The following GUCY1A2 variants were observed in gnomAD, a reference collection of about 807,000 sequenced individuals.
GUCY1A2 encodes the protein guanylate cyclase 1 soluble subunit alpha 2.
GUCY1A2 carries 27 observed loss-of-function variants against 63.5 expected under a neutral mutation model. That is an observed-to-expected ratio of 0.43 (90% CI 0.31 to 0.59). The LOEUF is 0.59. Ranked by LOEUF, GUCY1A2 falls within the 20% of genes least tolerant of loss-of-function variation. The pLI is 0.11. For synonymous variants in GUCY1A2, 364 were observed against 343.5 expected (o/e 1.06, Z -0.66); for missense variants, 768 against 913.3 (o/e 0.84, Z 2.05).
At chr11:106,968,877 G>A (rs767478586) in intron 3 of GUCY1A2, among the ~76,000 whole-genome samples, 2 of 49,884 alleles carry the variant, frequency 4.0e-5, no homozygotes, top group Non-Finnish European at 8.3e-5. Context: ...ACCAGGAATT[G>A]GAAGTTTGGT....
chr11:106,900,392 C>T (rs80234552), intron 4 of GUCY1A2, among the ~76,000 whole-genome samples: 2,992 of 152,236 alleles, frequency 0.02, 86 homozygotes, highest in African/African-American at 0.066. Flanking sequence ...CCACTTTGCC[C>T]ACGCTGGTCT....
chr11:106,892,738 T>C (rs1206529661), intron 4 of GUCY1A2, among the ~76,000 whole-genome samples: 2 of 152,182 alleles, frequency 1.3e-5, no homozygotes, highest in Non-Finnish European at 2.9e-5. Context: ...TTAAAAGTCA[T>C]TGTAAAAATA....
rs140147061 is a variant in GUCY1A2, at chr11:106,987,885, C to A, written c.304-1754G>T. 2.6e-5 allele frequency among the ~76,000 whole-genome samples: 4 copies of A among 152,226 alleles called. No homozygotes were observed. The East Asian group carries it at 7.8e-4, about 30-fold the overall frequency. ...ACTCTACATTACCACGTAGGAGAACCCTTTCACCACACAAATCTAAGGCCT... is the reference window on the plus strand; with the variant it reads ...ACTCTACATTACCACGTAGGAGAACACTTTCACCACACAAATCTAAGGCCT... On this transcript the variant is annotated intron_variant, in intron 1 of 7. Transcript: ENST00000526355.
intron 4 of GUCY1A2, among the ~76,000 whole-genome samples, chr11:106,915,374 G>GT (rs1860356959): frequency 6.6e-6 from 1 of 152,010 alleles, no homozygotes; most frequent in African/African-American, 2.4e-5. Flanking sequence ...CTGTTACAAG[G>GT]TATCTGTACT....
chr11:106,948,241 C>T (rs1860857375), intron 3 of GUCY1A2, among the ~76,000 whole-genome samples: 1 of 152,054 alleles, frequency 6.6e-6, no homozygotes, highest in Non-Finnish European at 1.5e-5. Flanking sequence ...AACTTTATGT[C>T]AAAAGCTGAT....
chr11:107,002,375 G>A (rs145653835), intron 1 of GUCY1A2, among the ~76,000 whole-genome samples: 126 of 143,700 alleles, frequency 8.8e-4, no homozygotes, highest in East Asian at 8.3e-3. Flanking sequence ...CAGACATGGA[G>A]AGAATAAGAA....
intron 3 of GUCY1A2, among the ~76,000 whole-genome samples, chr11:106,959,893 C>G (rs1861037751): frequency 6.6e-6 from 1 of 152,226 alleles, no homozygotes; most frequent in Non-Finnish European, 1.5e-5. Flanking sequence ...AAGGATCATT[C>G]TCAGGCCTTG....
At chr11:107,000,221 AGAG>A (rs1264386670) in intron 1 of GUCY1A2, among the ~76,000 whole-genome samples, 1 of 152,242 alleles carries the variant, frequency 6.6e-6, no homozygotes, top group African/African-American at 2.4e-5. Context: ...ACACAGAAAA[AGAG>A]AGAAAGACTT....
intron 4 of GUCY1A2, among the ~76,000 whole-genome samples, chr11:106,908,564 A>AG (rs1235416748): frequency 6.6e-6 from 1 of 151,984 alleles, no homozygotes; most frequent in East Asian, 1.9e-4. Flanking sequence ...AAAGAAAAAA[A>AG]GGACTTTGCA....
intron 4 of GUCY1A2, among the ~76,000 whole-genome samples, chr11:106,835,946 A>AAT (rs1859111626): frequency 6.6e-6 from 1 of 152,012 alleles, no homozygotes; most frequent in African/African-American, 2.4e-5. Flanking sequence ...AATGTAGGTA[A>AAT]ATCTAAGCAA....
chr11:106,884,122 G>T (rs1859864765), intron 4 of GUCY1A2, among the ~76,000 whole-genome samples: 1 of 152,024 alleles, frequency 6.6e-6, no homozygotes, highest in Non-Finnish European at 1.5e-5. Context: ...CATGGCACAT[G>T]TATACGTATG....
intron 4 of GUCY1A2, among the ~76,000 whole-genome samples, chr11:106,857,439 G>A (rs1403484882): frequency 2.0e-5 from 3 of 152,054 alleles, no homozygotes; most frequent in Admixed American, 2.0e-4. Context: ...TGGATTTTGG[G>A]GGAACATAAA....
At chr11:106,842,025 T>G (rs147464137) in intron 4 of GUCY1A2, among the ~76,000 whole-genome samples, 1 of 151,860 alleles carries the variant, frequency 6.6e-6, no homozygotes, top group African/African-American at 2.4e-5. Context: ...TAGTTTCCAG[T>G]TGGGTTTGGC....
intron 5 of GUCY1A2, among the ~76,000 whole-genome samples, chr11:106,808,794 G>A (rs1289434366): frequency 6.6e-6 from 1 of 152,074 alleles, no homozygotes; most frequent in African/African-American, 2.4e-5. Flanking sequence ...GATCTCCTCT[G>A]TCCTGGAAGT....
chr11:106,792,219 C>G (rs1212772), intron 5 of GUCY1A2, among the ~76,000 whole-genome samples: 1 of 152,134 alleles, frequency 6.6e-6, no homozygotes, highest in East Asian at 1.9e-4. Context: ...AACCCCATCT[C>G]TACTAAAAAT....
chr11:106,871,072 T>C (rs1187536502), intron 4 of GUCY1A2, among the ~76,000 whole-genome samples: 1 of 152,034 alleles, frequency 6.6e-6, no homozygotes. Context: ...TAGCAACTAA[T>C]AAACAATTTT....
At chr11:106,960,834 A>G (rs567843362) in intron 3 of GUCY1A2, among the ~76,000 whole-genome samples, 2 of 152,252 alleles carry the variant, frequency 1.3e-5, no homozygotes, top group East Asian at 1.9e-4. Context: ...GTAACAGCCA[A>G]CACAAGCACC....
At chr11:106,907,810 G>A (rs1024650430) in intron 4 of GUCY1A2, among the ~76,000 whole-genome samples, 2 of 151,960 alleles carry the variant, frequency 1.3e-5, no homozygotes, top group Non-Finnish European at 2.9e-5. Flanking sequence ...TATCATTGTT[G>A]GACATTTGGG....
intron 4 of GUCY1A2, among the ~76,000 whole-genome samples, chr11:106,829,973 AG>A (rs1283485260): frequency 2.0e-5 from 3 of 152,232 alleles, no homozygotes; most frequent in Non-Finnish European, 2.9e-5. Context: ...AAGGGAATAC[AG>A]AATGGGTAGT....
Sources: allele counts gnomAD v4.1 joint callset (sites outside exome capture counted in the v4.1 genomes callset), GRCh38; gene constraint gnomAD v4.1.1; transcripts MANE v1.5; gene names NCBI Gene and HGNC (gene_info 2026-07-23, HGNC 2026-07-21).